Variants in NUP153 observed in about 807,000 individuals in gnomAD.
NUP153 encodes nuclear pore complex protein Nup153.
In NUP153, 27 loss-of-function variants were observed where a neutral mutation model predicts 134.6. That is an observed-to-expected ratio of 0.20 (90% CI 0.15 to 0.28). The LOEUF is 0.28. Ranked by LOEUF, NUP153 falls within the 10% of genes least tolerant of loss-of-function variation. The pLI is 1.00. For missense variants in NUP153, 1,821 were observed against 1,731.3 expected, an observed-to-expected ratio of 1.05 and a Z score of -0.92; for synonymous variants, 640 against 623.5, an observed-to-expected ratio of 1.03 and a Z score of -0.40.
At chr6:17,670,457 C>T (rs141106240) in intron 5 of NUP153, among the ~76,000 whole-genome samples, 54 of 152,200 alleles carry the variant, frequency 3.5e-4, no homozygotes, top group African/African-American at 1.2e-3. Flanking sequence ...GATTTTTCTA[C>T]GTAGATAAGC....
At position 17,616,530 on chromosome 6, in the gene NUP153, A is replaced by G; in HGVS notation, c.4340T>C (p.Val1447Ala). Residue 1447 changes from valine (V) to alanine (A), a missense_variant, in exon 21 of 22, where the codon GTG becomes GCG. Physicochemically the swap from Val to Ala is moderately conservative, Grantham distance 64. Coordinates refer to ENST00000262077, the MANE Select transcript of NUP153 (RefSeq NM_005124.4). ...PFNQSPAAFT[V>A]GSNGKNVFSS... is the part of the protein sequence containing the mutation. ...TTTCAATAAAAAATTCTCTTACCCC[A>G]CTGTAAATGCTGCTGGAGACTGGTT... 3.7e-6 allele frequency: 6 copies of G among 1,603,806 alleles called. No individual in the cohort carries two copies. The highest frequency in any genetic ancestry group is 5.1e-6 in the Non-Finnish European group (6 of 1,175,610).
rs1035501783 is a variant in NUP153, at chr6:17,638,827, C to T, written c.1847-1057G>A. Among the ~76,000 whole-genome samples the T allele has an allele frequency of 2.0e-5, 3 of 152,176 alleles. No individual in the cohort carries two copies. The highest frequency in any genetic ancestry group is 2.1e-4 in the South Asian group (1 of 4,834). On this transcript the variant is annotated intron_variant, in intron 15 of 21. Coordinates refer to ENST00000262077, the MANE Select transcript of NUP153 (RefSeq NM_005124.4). The surrounding 1 kb of genome is among the most constrained non-coding windows in gnomAD (Gnocchi z 4.0). The stretch of plus-strand genomic sequence containing the variant: ...TACTTGGTTAATTCCAGCACAAGCA[C>T]TCTGGAGTTCTACCATAACTGCATG...
intron 1 of NUP153, among the ~76,000 whole-genome samples, chr6:17,701,458 T>G (rs899122648): frequency 6.6e-6 from 1 of 151,484 alleles, no homozygotes; most frequent in Non-Finnish European, 1.5e-5. Flanking sequence ...AGTCAGGAGT[T>G]CAAGAACAGC....
chr6:17,622,140 C>T (rs1359232120), intron 20 of NUP153, among the ~76,000 whole-genome samples: 9 of 152,104 alleles, frequency 5.9e-5, no homozygotes, highest in African/African-American at 2.2e-4. Context: ...TATGCTGCTA[C>T]CCAGAGTCAA....
intron 2 of NUP153, among the ~76,000 whole-genome samples, chr6:17,678,742 G>A (rs1335505833): frequency 2.0e-5 from 3 of 151,390 alleles, no homozygotes; most frequent in Non-Finnish European, 4.4e-5. Context: ...CCAGGAGTTC[G>A]AGACCAGCCT....
At chr6:17,644,114 T>C (rs959698187) in intron 14 of NUP153, among the ~76,000 whole-genome samples, 1 of 152,206 alleles carries the variant, frequency 6.6e-6, no homozygotes, top group Non-Finnish European at 1.5e-5. Context: ...ACTTCCATAA[T>C]CTGGCCTCTT....
At chr6:17,618,021 A>G (rs1381446529) in intron 20 of NUP153, among the ~76,000 whole-genome samples, 1 of 152,154 alleles carries the variant, frequency 6.6e-6, no homozygotes, top group African/African-American at 2.4e-5. Context: ...GATATTCACA[A>G]AATACCGAGC....
In NUP153 at chr6:17,649,316, T is replaced by C; in HGVS notation, c.1396-16A>G. The C allele has an allele frequency of 3.7e-6, 6 of 1,600,452 alleles. No individual in the cohort carries two copies. In the South Asian group the frequency reaches 5.6e-5, roughly 15 times the overall value. ...CTTCCATTTCCTAAAACATAACATGTTGCATGATATATTTCATCTTTCACA... is the reference window on the plus strand; with the variant it reads ...CTTCCATTTCCTAAAACATAACATGCTGCATGATATATTTCATCTTTCACA... On this transcript the variant is annotated splice_polypyrimidine_tract_variant and intron_variant, in intron 11 of 21. Transcript: ENST00000262077.
At chr6:17,687,942 G>A (rs181528841) in intron 2 of NUP153, among the ~76,000 whole-genome samples, 20 of 151,876 alleles carry the variant, frequency 1.3e-4, no homozygotes, top group Admixed American at 7.2e-4. Context: ...GTGAAACCCC[G>A]TCTCTATAAA....
chr6:17,649,833 A>G (rs913764148), intron 11 of NUP153, among the ~76,000 whole-genome samples: 2 of 152,310 alleles, frequency 1.3e-5, no homozygotes, highest in Admixed American at 1.3e-4. Flanking sequence ...ATAAGAAAAA[A>G]CACAGTATAT....
chr6:17,700,572 A>G (rs1264729727), intron 1 of NUP153, among the ~76,000 whole-genome samples: 1 of 152,228 alleles, frequency 6.6e-6, no homozygotes, highest in Non-Finnish European at 1.5e-5. Context: ...TGATTTAAAT[A>G]TTCGACCTCT....
intron 9 of NUP153, among the ~76,000 whole-genome samples, chr6:17,664,719 T>A (rs887017116): frequency 3.9e-5 from 6 of 151,964 alleles, no homozygotes; most frequent in Non-Finnish European, 4.4e-5. Flanking sequence ...AAACAATGGG[T>A]ACATGCTAGA....
intron 2 of NUP153, among the ~76,000 whole-genome samples, chr6:17,682,588 G>T (rs1265760286): frequency 1.3e-5 from 2 of 152,040 alleles, no homozygotes; most frequent in Admixed American, 1.3e-4. Flanking sequence ...TCTTAAAAAT[G>T]TGCACAGTAT....
At chr6:17,659,226 G>A (rs1361507622) in intron 11 of NUP153, among the ~76,000 whole-genome samples, 2 of 152,246 alleles carry the variant, frequency 1.3e-5, no homozygotes, top group Non-Finnish European at 2.9e-5. Flanking sequence ...ACAGCGGGAT[G>A]CAGAAAATGC....
chr6:17,645,204 T>G (rs1350460445), intron 14 of NUP153, among the ~76,000 whole-genome samples: 1 of 150,648 alleles, frequency 6.6e-6, no homozygotes, highest in Non-Finnish European at 1.5e-5. Flanking sequence ...GACCGTGCCA[T>G]TGCACTCCAG....
At chr6:17,634,983 A>T (rs1288873664) in intron 16 of NUP153, among the ~76,000 whole-genome samples, 1 of 152,140 alleles carries the variant, frequency 6.6e-6, no homozygotes, top group South Asian at 2.1e-4. Context: ...AAAAAATAAA[A>T]AAAAAAAATA....
At chr6:17,703,359 T>C (rs1400848303) in intron 1 of NUP153, among the ~76,000 whole-genome samples, 2 of 152,140 alleles carry the variant, frequency 1.3e-5, no homozygotes, top group African/African-American at 2.4e-5. Context: ...ACTAGCCAAG[T>C]TGCCCTGACA....
At chr6:17,674,769 T>A in intron 5 of NUP153, 136 bp downstream of exon 5, 1 of 756,626 alleles carries the variant, frequency 1.3e-6, no homozygotes, top group Non-Finnish European at 1.9e-6. Flanking sequence ...CAAGACTCCA[T>A]CTCGAAAAAA....
At chr6:17,645,897 T>A (rs1244405152) in intron 14 of NUP153, among the ~76,000 whole-genome samples, 170 bp downstream of exon 14, 1 of 152,142 alleles carries the variant, frequency 6.6e-6, no homozygotes, top group East Asian at 1.9e-4. Context: ...TAAAGATAAT[T>A]AATAAAAAGC....
Sources: allele counts gnomAD v4.1 joint callset (sites outside exome capture counted in the v4.1 genomes callset), GRCh38; gene constraint gnomAD v4.1.1; non-coding constraint Gnocchi (gnomAD v3.1); transcripts MANE v1.5; gene names NCBI Gene and HGNC (gene_info 2026-07-23, HGNC 2026-07-21).